CSNK2A1: variants seen among roughly 807,000 people sequenced by gnomAD.
CSNK2A1 encodes the protein casein kinase II subunit alpha.
CSNK2A1 carries 10 observed loss-of-function variants against 62.9 expected under a neutral mutation model. That is an observed-to-expected ratio of 0.16 (90% CI 0.10 to 0.27). The LOEUF (loss-of-function observed/expected upper bound fraction) is 0.27. Among genes scored for constraint, CSNK2A1 ranks in the 10% least tolerant of loss-of-function variants. CSNK2A1 has a pLI of 1.00. For synonymous variants in CSNK2A1, 124 were observed against 167.8 expected (o/e 0.74, Z 2.02); for missense variants, 160 against 492.0 (o/e 0.33, Z 6.38).
rs180995104 is a variant in CSNK2A1 at position 494,998 on chromosome 20, C to T, written c.510+721G>A. 4.6e-5 allele frequency: 7 copies of T among 152,264 alleles called. No homozygotes were observed. In the East Asian group the frequency reaches 1.3e-3, roughly 29 times the overall value. 9.4% of individuals were successfully genotyped at this position (152,264 alleles called of 1,614,324 possible). On this transcript the variant is annotated intron_variant, in intron 8 of 13. Coordinates refer to ENST00000217244, the MANE Select transcript of CSNK2A1 (RefSeq NM_177559.3). ...TGCCATTCCCTATTCGTTTTTTCTT[C>T]TACATCAAAATAACTTTCTATCCCA... is the stretch of plus-strand genomic sequence containing the variant.
At chr20:531,000 C>T (rs2019200832) in intron 1 of CSNK2A1, among the ~76,000 whole-genome samples, 1 of 152,100 alleles carries the variant, frequency 6.6e-6, no homozygotes, top group Non-Finnish European at 1.5e-5. Context: ...AGGAGAATCA[C>T]TTGAACCTGG....
chr20:495,893 C>T, intron 7 of CSNK2A1, 91 bp from the exon 8 acceptor site: 1 of 1,008,570 alleles, frequency 9.9e-7, no homozygotes. Flanking sequence ...CTTTTAGCCT[C>T]ACAATACCCC....
At position 503,895 on chromosome 20, in the gene CSNK2A1, C is replaced by A. The variant is rs138157191; in HGVS notation, c.213+1223G>T. On this transcript the variant is annotated intron_variant, in intron 4 of 13. Transcript: ENST00000217244. ...AAGTTGCTAAGATATAAATACTTAG[C>A]GGGCAGGCGCAGTGGCTCACGCCTG... is the stretch of plus-strand genomic sequence containing the variant. 2.7e-3 allele frequency among the ~76,000 whole-genome samples: 407 copies of A among 151,772 alleles called. 3 individuals carry two copies. Among genetic ancestry groups the A allele is most frequent in the African/African-American group, 9.5e-3 (394 of 41,452 alleles).
chr20:513,966 A>T (rs766547145), intron 2 of CSNK2A1, among the ~76,000 whole-genome samples: 10 of 152,238 alleles, frequency 6.6e-5, no homozygotes, highest in Non-Finnish European at 1.3e-4. Flanking sequence ...CATTAATTAT[A>T]CGGGAAAATA....
intron 1 of CSNK2A1, among the ~76,000 whole-genome samples, chr20:533,496 G>A (rs996977632): frequency 2.8e-4 from 43 of 152,188 alleles, no homozygotes; most frequent in African/African-American, 9.7e-4. Flanking sequence ...CCAGCTACTT[G>A]GGAGGCTGAG....
rs989865952 is a variant in CSNK2A1, at chr20:531,858, A to G, written c.-226-3809T>C. ...GATACAGTAGCATTCAGAGTTAGTCAGGTAGAGATAACAGTTTTACAAAAG... is the reference window on the plus strand; with the variant it reads ...GATACAGTAGCATTCAGAGTTAGTCGGGTAGAGATAACAGTTTTACAAAAG... On this transcript the variant is annotated intron_variant, in intron 1 of 13. Coordinates refer to ENST00000217244, the MANE Select transcript of CSNK2A1 (RefSeq NM_177559.3). 6.6e-5 allele frequency among the ~76,000 whole-genome samples: 10 copies of G among 152,356 alleles called. No individual in the cohort carries two copies. In the East Asian group the frequency reaches 1.9e-3, roughly 29 times the overall value.
chr20:497,215 C>G (rs1413149638), intron 7 of CSNK2A1, among the ~76,000 whole-genome samples: 1 of 152,144 alleles, frequency 6.6e-6, no homozygotes, highest in Non-Finnish European at 1.5e-5. Context: ...CCAGCCTGTG[C>G]AACAATCATA....
rs1318222589 is a variant in CSNK2A1 at position 473,953 on chromosome 20, G to A, written c.*10008C>T. On this transcript the variant is annotated 3_prime_UTR_variant, in exon 14 of 14. Coordinates refer to ENST00000217244, the MANE Select transcript of CSNK2A1 (RefSeq NM_177559.3). ...CCGCTGTCCCTCAAACTGGGGCTCT[G>A]TCAACAAAGAGGAAGGGAGGAATGA... 6.6e-6 allele frequency: 1 copy of A among 152,242 alleles called. No individual in the cohort carries two copies. 9.4% of individuals were successfully genotyped at this position (152,242 alleles called of 1,614,324 possible).
In CSNK2A1 at chr20:542,653, G is replaced by A. The variant is rs544208450; in HGVS notation, c.-227+1019C>T. ...TCACCGTGTTGGTCAGGCTGGTCTC[G>A]AACTCCTGACCTCGTGATCCACCCG... On this transcript the variant is annotated intron_variant, in intron 1 of 13. Transcript: ENST00000217244. Among the ~76,000 whole-genome samples, 8 of 152,156 alleles carry A rather than the reference G, an allele frequency of 5.3e-5. No homozygotes were observed. The East Asian group carries it at 1.5e-3, about 29-fold the overall frequency.
At chr20:500,137 G>A in intron 4 of CSNK2A1, 2 of 526,738 alleles carry the variant, frequency 3.8e-6, no homozygotes, top group Non-Finnish European at 6.7e-6. Flanking sequence ...TGAATTGAAA[G>A]AAAAAAAGAT....
At position 481,471 on chromosome 20, in the gene CSNK2A1, T is replaced by TA. The variant is rs1302787819; in HGVS notation, c.*2489dup. Reference sequence around the variant, plus strand: ...CAACAACACGTAAGTTGTTACTCTGTAAACCCTTGCCTCCCCCCCACCCCC... The same window carrying TA: ...CAACAACACGTAAGTTGTTACTCTGTAAAACCCTTGCCTCCCCCCCACCCCC... On this transcript the variant is annotated 3_prime_UTR_variant, in exon 14 of 14. Coordinates refer to ENST00000217244, the MANE Select transcript of CSNK2A1 (RefSeq NM_177559.3). The TA allele has an allele frequency of 1.3e-5, 2 of 150,054 alleles. No individual in the cohort carries two copies. The highest frequency in any genetic ancestry group is 3.0e-5 in the Non-Finnish European group (2 of 67,552). The allele number at this position is 150,054 out of a possible 1,614,324, so 9.3% of individuals were successfully genotyped here.
intron 13 of CSNK2A1, among the ~76,000 whole-genome samples, chr20:484,694 T>TGTGTGTGTGTGTGTGTG (rs573370751): frequency 2.0e-5 from 3 of 147,620 alleles, no homozygotes; most frequent in African/African-American, 5.0e-5. Context: ...AATCATGTTT[T>TGTGTGTGTGTGTGTGTG]TGTGTGTGTG....
At chr20:517,165 G>A (rs2018844856) in intron 2 of CSNK2A1, among the ~76,000 whole-genome samples, 1 of 152,216 alleles carries the variant, frequency 6.6e-6, no homozygotes, top group Non-Finnish European at 1.5e-5. Context: ...TGCTACAGAA[G>A]CAAAGAGAAA....
At chr20:541,817 CA>C (rs1473463710) in intron 1 of CSNK2A1, among the ~76,000 whole-genome samples, 5 of 152,202 alleles carry the variant, frequency 3.3e-5, no homozygotes, top group African/African-American at 1.2e-4. Context: ...TCAATCTAAG[CA>C]AATTTCCAAT....
chr20:503,580 G>A (rs1053963615), intron 4 of CSNK2A1: 9 of 398,432 alleles, frequency 2.3e-5, no homozygotes, highest in South Asian at 2.5e-4. Context: ...GAGGTGGTTC[G>A]TAGTTTCAAC....
intron 8 of CSNK2A1, 69 bp from the exon 9 acceptor site, chr20:492,433 T>C (rs1274186709): frequency 1.3e-6 from 2 of 1,486,768 alleles, no homozygotes; most frequent in Non-Finnish European, 1.9e-6. Flanking sequence ...ATTAGCATAC[T>C]CTTGATAAAA....
intron 2 of CSNK2A1, 131 bp from the exon 3 acceptor site, chr20:508,791 C>G: frequency 2.3e-6 from 1 of 432,966 alleles, no homozygotes; most frequent in Non-Finnish European, 4.1e-6. Context: ...AAATATAGCT[C>G]AACTGTGTTA....
chr20:523,368 A>C (rs2018990016), intron 2 of CSNK2A1, among the ~76,000 whole-genome samples: 1 of 152,236 alleles, frequency 6.6e-6, no homozygotes, highest in Non-Finnish European at 1.5e-5. Context: ...CAGCAACTGT[A>C]TTCATAATCA....
intron 11 of CSNK2A1, chr20:487,809 A>T: frequency 1.7e-6 from 1 of 577,504 alleles, no homozygotes; most frequent in Non-Finnish European, 3.0e-6. Flanking sequence ...AATTTTAAGA[A>T]ACATAATTCA....
Sources: gnomAD v4.1 joint callset for allele counts (sites outside exome capture counted in the v4.1 genomes callset) on GRCh38, gnomAD v4.1.1 for gene constraint, MANE v1.5 for transcripts, NCBI Gene and HGNC (gene_info 2026-07-23, HGNC 2026-07-21) for gene names.